RFX3: variants seen among roughly 807,000 people sequenced by gnomAD.
RFX3 encodes transcription factor RFX3.
Under a neutral mutation model 98.6 loss-of-function variants are expected in RFX3, and 14 were observed. The observed-to-expected ratio is 0.14, with a 90% CI of 0.09 to 0.22. RFX3 has a LOEUF of 0.22. Ranked by LOEUF, RFX3 falls within the 10% of genes least tolerant of loss-of-function variation. The pLI is 1.00. For synonymous variants in RFX3, 383 were observed against 328.4 expected (o/e 1.17, Z -1.80); for missense variants, 639 against 926.9 (o/e 0.69, Z 4.03).
intron 4 of RFX3, among the ~76,000 whole-genome samples, chr9:3,307,182 G>T (rs769037096): frequency 1.1e-4 from 16 of 152,064 alleles, no homozygotes; most frequent in Non-Finnish European, 2.1e-4. Flanking sequence ...ACATTAAACC[G>T]CTTTCCTTTG....
chr9:3,485,681 T>C lies in RFX3; in HGVS notation c.-9+40066A>G, dbSNP rs72699090. Among the ~76,000 whole-genome samples, 1,253 of 152,382 alleles carry C rather than the reference T, an allele frequency of 8.2e-3. 11 individuals are homozygous for C. Among genetic ancestry groups the C allele is most frequent in the Non-Finnish European group, 0.013 (852 of 68,036 alleles). ...TGAACTTGTAATTTTTATCTTAGTT[T>C]ATCTCTGAAAAACAATTTAAAATCT... On this transcript the variant is annotated intron_variant, in intron 1 of 16. Coordinates refer to ENST00000617270, the MANE Select transcript of RFX3 (RefSeq NM_001282116.2).
intron 3 of RFX3, chr9:3,344,939 G>C (rs1296571243): frequency 1.5e-6 from 1 of 668,048 alleles, no homozygotes; most frequent in African/African-American, 1.9e-5. Flanking sequence ...TATGTAAAGA[G>C]GTATAGATTT....
At chr9:3,358,534 C>A (rs1836036449) in intron 2 of RFX3, among the ~76,000 whole-genome samples, 1 of 152,022 alleles carries the variant, frequency 6.6e-6, no homozygotes, top group Non-Finnish European at 1.5e-5. Context: ...CTTTACAGTA[C>A]AACGTAAAAA....
chr9:3,264,366 G>A (rs932126386), intron 12 of RFX3, among the ~76,000 whole-genome samples: 1 of 152,048 alleles, frequency 6.6e-6, no homozygotes, highest in Admixed American at 6.6e-5. Flanking sequence ...GGTATATAAG[G>A]TACGAGCAGT....
intron 1 of RFX3, among the ~76,000 whole-genome samples, chr9:3,454,115 A>C (rs1162240640): frequency 6.6e-6 from 1 of 152,228 alleles, no homozygotes; most frequent in Non-Finnish European, 1.5e-5. Context: ...CTTTGCTATG[A>C]ATTAGGAATG....
chr9:3,265,288 G>A (rs567016241), intron 12 of RFX3, among the ~76,000 whole-genome samples: 1 of 152,240 alleles, frequency 6.6e-6, no homozygotes, highest in East Asian at 1.9e-4. Context: ...ATTTCTAGAG[G>A]AACAATCTAA....
chr9:3,328,734 A>C (rs1459386924), intron 4 of RFX3, among the ~76,000 whole-genome samples: 1 of 152,204 alleles, frequency 6.6e-6, no homozygotes, highest in Non-Finnish European at 1.5e-5. Context: ...AATTACTACA[A>C]ATACACAAAG....
chr9:3,305,376 G>A (rs958626577), intron 4 of RFX3, among the ~76,000 whole-genome samples: 9 of 151,990 alleles, frequency 5.9e-5, no homozygotes, highest in African/African-American at 2.2e-4. Flanking sequence ...GTTTTGCTAG[G>A]TATAATGGGG....
intron 1 of RFX3, among the ~76,000 whole-genome samples, chr9:3,481,422 C>T (rs1473972519): frequency 6.6e-6 from 1 of 151,886 alleles, no homozygotes; most frequent in Non-Finnish European, 1.5e-5. Context: ...ACACATCTAA[C>T]TAACATGAAC....
chr9:3,288,112 T>C lies in RFX3; in HGVS notation c.851+19A>G. 6.2e-7 allele frequency: 1 copy of C among 1,611,910 alleles called. No homozygotes were observed. The highest frequency in any genetic ancestry group is 1.7e-5 in the Admixed American group (1 of 59,954). On this transcript the variant is annotated intron_variant, in intron 7 of 16. Coordinates refer to ENST00000617270, the MANE Select transcript of RFX3 (RefSeq NM_001282116.2). ...GAAATACATAGCTTGGACACATCAA[T>C]GATAACTTCAGAGTCTACCTTTGTT...
intron 15 of RFX3, among the ~76,000 whole-genome samples, chr9:3,238,167 A>G (rs982754194): frequency 2.2e-4 from 34 of 152,302 alleles, no homozygotes; most frequent in African/African-American, 7.7e-4. Context: ...ATAAAACAGT[A>G]AAATTCCATT....
Position 3,293,153 on chromosome 9 carries a change from G to A in RFX3, c.655C>T (p.Pro219Ser). Residue 219 changes from proline to serine, a missense_variant, in exon 6 of 17, where the codon CCA becomes TCA. By Grantham distance (74) the Pro-to-Ser change is moderately conservative (BLOSUM62 -1). Coordinates refer to ENST00000617270, the MANE Select transcript of RFX3 (RefSeq NM_001282116.2). ...LRHCQEHKLDPVNAASFGKLI... is the reference protein window; with the variant it reads ...LRHCQEHKLDSVNAASFGKLI... ...TTTCCAAAAGAGGCAGCATTGACTG[G>A]GTCCAGTTTGTGTTCCTGACAGTGT... is the stretch of plus-strand genomic sequence containing the variant. The A allele has an allele frequency of 6.2e-7, 1 of 1,613,592 alleles. No individual in the cohort carries two copies. The highest frequency in any genetic ancestry group is 8.5e-7 in the Non-Finnish European group (1 of 1,179,746).
chr9:3,379,795 T>C (rs1838969972), intron 2 of RFX3, among the ~76,000 whole-genome samples: 1 of 152,222 alleles, frequency 6.6e-6, no homozygotes, highest in Non-Finnish European at 1.5e-5. Flanking sequence ...CAATAATTTG[T>C]ACTTATATCT....
chr9:3,334,907 G>T (rs1832988388), intron 3 of RFX3, among the ~76,000 whole-genome samples: 3 of 152,026 alleles, frequency 2.0e-5, no homozygotes, highest in Non-Finnish European at 4.4e-5. Flanking sequence ...ATCACCTGAG[G>T]TCAGGAGTTC....
At chr9:3,460,503 T>C (rs1315545137) in intron 1 of RFX3, among the ~76,000 whole-genome samples, 1 of 152,016 alleles carries the variant, frequency 6.6e-6, no homozygotes, top group Non-Finnish European at 1.5e-5. Flanking sequence ...TACCTTATAC[T>C]CATCAAATAA....
Position 3,362,625 on chromosome 9 carries a change from T to A in RFX3, c.118-15861A>T, listed in dbSNP as rs1022045701. Among the ~76,000 whole-genome samples the A allele has an allele frequency of 2.0e-5, 3 of 152,218 alleles. No homozygotes were observed. In the East Asian group the frequency reaches 5.8e-4, roughly 29 times the overall value. ...ATGATTGCTATAGGCAACTCTAACT[T>A]GTGAGGACAGCATAAGTGTAATAGT... is the stretch of plus-strand genomic sequence containing the variant. On this transcript the variant is annotated intron_variant, in intron 2 of 16. Transcript: ENST00000617270.
chr9:3,505,074 TAAA>T (rs1198879159), intron 1 of RFX3, among the ~76,000 whole-genome samples: 9 of 94,098 alleles, frequency 9.6e-5, no homozygotes, highest in African/African-American at 3.9e-4. Flanking sequence ...TAATAAAATA[TAAA>T]AATAAAATAT....
intron 1 of RFX3, among the ~76,000 whole-genome samples, chr9:3,499,674 T>C (rs570128398): frequency 1.3e-5 from 2 of 152,188 alleles, no homozygotes; most frequent in South Asian, 2.1e-4. Context: ...CTGTACTAAT[T>C]TGTATTACTT....
At chr9:3,443,662 A>G (rs2132723742) in intron 1 of RFX3, among the ~76,000 whole-genome samples, 1 of 152,334 alleles carries the variant, frequency 6.6e-6, no homozygotes, top group African/African-American at 2.4e-5. Context: ...GCTGCAATAA[A>G]TATACACATG....
Sources: gnomAD v4.1 joint callset for allele counts (sites outside exome capture counted in the v4.1 genomes callset) on GRCh38, gnomAD v4.1.1 for gene constraint, MANE v1.5 for transcripts, NCBI Gene and HGNC (gene_info 2026-07-23, HGNC 2026-07-21) for gene names.